Variants in VCAM1 observed in about 807,000 individuals in gnomAD.
The protein encoded by VCAM1 is vascular cell adhesion molecule 1.
In VCAM1, 41 loss-of-function variants were observed where a neutral mutation model predicts 63.8. The observed-to-expected ratio is 0.64, with a 90% CI of 0.50 to 0.83. The LOEUF (loss-of-function observed/expected upper bound fraction) is 0.83, where lower values mean the gene tolerates loss of function less well. Among genes scored for constraint, VCAM1 ranks in the 40% least tolerant of loss-of-function variants. The pLI is 0.00. For missense variants in VCAM1, 798 were observed against 875.5 expected (o/e 0.91, Z 1.12); for synonymous variants, 338 against 320.7 (o/e 1.05, Z -0.58).
intron 2 of VCAM1, among the ~76,000 whole-genome samples, chr1:100,721,716 A>T (rs1485311843): frequency 6.6e-6 from 1 of 152,042 alleles, no homozygotes; most frequent in Non-Finnish European, 1.5e-5. Flanking sequence ...GGCTGCTTTC[A>T]ATTATGCTGG....
rs369922598 is a variant in VCAM1, at chr1:100,723,354, C to A, written c.661+14C>A. On this transcript the variant is annotated intron_variant, in intron 3 of 8. Transcript: ENST00000294728. ...TGCAAGTCTACAGTAAGTACTTGTG[C>A]GATGTGTTCCAGTCTTTGTGGGAAT... The A allele has an allele frequency of 8.7e-6, 14 of 1,606,572 alleles. No homozygotes were observed. The highest frequency in any genetic ancestry group is 1.1e-5 in the Non-Finnish European group (13 of 1,175,438).
intron 5 of VCAM1, among the ~76,000 whole-genome samples, chr1:100,730,609 G>A (rs1660414767): frequency 6.6e-6 from 1 of 152,088 alleles, no homozygotes; most frequent in African/African-American, 2.4e-5. Context: ...ATTTGATACT[G>A]AGAGACTGCA....
chr1:100,738,234 A>G lies in VCAM1; in HGVS notation c.2171A>G (p.Asn724Ser), dbSNP rs1464863317. The G allele has an allele frequency of 6.2e-7, 1 of 1,613,840 alleles. No homozygotes were observed. The highest frequency in any genetic ancestry group is 1.7e-5 in the Admixed American group (1 of 60,028). ...ATAATTTACTTTGCAAGAAAAGCCA[A>G]CATGAAGGGGTCATATAGTCTTGTA... ...GMIIYFARKA[N>S]MKGSYSLVEA... Residue 724 changes from asparagine (N) to serine (S), a missense_variant, in exon 9 of 9, where the codon AAC becomes AGC. Transcript: ENST00000294728.
At chr1:100,735,952 A>G (rs1645424495) in intron 8 of VCAM1, 1 of 152,152 alleles carries the variant, frequency 6.6e-6, no homozygotes, top group African/African-American at 2.4e-5. Flanking sequence ...GAGGTTGGGG[A>G]TGATTCTGGA....
chr1:100,732,878 T>G (rs1300684714), intron 7 of VCAM1, among the ~76,000 whole-genome samples, 194 bp downstream of exon 7: 1 of 152,224 alleles, frequency 6.6e-6, no homozygotes, highest in African/African-American at 2.4e-5. Flanking sequence ...ACAAGTTTCT[T>G]ATCCTGAGAT....
chr1:100,720,338 G>T, intron 1 of VCAM1, 138 bp from the exon 2 acceptor site: 2 of 1,186,048 alleles, frequency 1.7e-6, no homozygotes, highest in Non-Finnish European at 2.3e-6. Flanking sequence ...GGTGCTTTTT[G>T]GCTACCTTGC....
At chr1:100,722,393 G>GT (rs1373128965) in intron 2 of VCAM1, among the ~76,000 whole-genome samples, 1 of 151,922 alleles carries the variant, frequency 6.6e-6, no homozygotes, top group African/African-American at 2.4e-5. Context: ...ACTTAAAGTT[G>GT]GTCTTCTCAT....
intron 8 of VCAM1, chr1:100,737,495 G>C (rs1660698750): frequency 1.3e-5 from 2 of 152,166 alleles, no homozygotes; most frequent in Admixed American, 1.3e-4. Flanking sequence ...ACATAACACT[G>C]TCCAAAGAAC....
chr1:100,734,325 A>T (rs1409133288), intron 7 of VCAM1, among the ~76,000 whole-genome samples, 177 bp from the exon 8 acceptor site: 1 of 152,198 alleles, frequency 6.6e-6, no homozygotes, highest in Non-Finnish European at 1.5e-5. Flanking sequence ...CTTAGTTAAA[A>T]CATGATCATT....
chr1:100,733,525 A>T (rs1216231715), intron 7 of VCAM1, among the ~76,000 whole-genome samples: 1 of 152,186 alleles, frequency 6.6e-6, no homozygotes, highest in African/African-American at 2.4e-5. Context: ...AAACAAAAAA[A>T]CCTTTTGGAT....
At chr1:100,725,537 C>A (rs1660132523) in intron 4 of VCAM1, among the ~76,000 whole-genome samples, 1 of 151,916 alleles carries the variant, frequency 6.6e-6, no homozygotes, top group Non-Finnish European at 1.5e-5. Context: ...ATAATGACAC[C>A]ACCTATTGAT....
In VCAM1 at chr1:100,723,348, C is replaced by CT. The variant is rs766335626; in HGVS notation, c.661+10dup. The CT allele has an allele frequency of 6.2e-7, 1 of 1,609,262 alleles. No homozygotes were observed. The highest frequency in any genetic ancestry group is 8.5e-7 in the Non-Finnish European group (1 of 1,176,956). ...AAGAATTGCAAGTCTACAGTAAGTACTTGTGCGATGTGTTCCAGTCTTTGT... is the reference window on the plus strand; with the variant it reads ...AAGAATTGCAAGTCTACAGTAAGTACTTTGTGCGATGTGTTCCAGTCTTTGT... On this transcript the variant is annotated intron_variant, in intron 3 of 8. Transcript: ENST00000294728.
Position 100,734,581 on chromosome 1 carries a change from A to C in VCAM1, c.1872A>C (p.Thr624=). ...KEGDTVIISC[T]CGNVPETWII... ...GAGACACTGTCATCATCTCTTGTAC[A>C]TGTGGAAATGTTCCAGAAACATGGA... The change falls in exon 8 of 9, where the codon ACA becomes ACC. Residue 624 remains threonine, a synonymous_variant. Transcript: ENST00000294728. 6.2e-7 allele frequency: 1 copy of C among 1,613,912 alleles called. No individual in the cohort carries two copies. Among genetic ancestry groups the C allele is most frequent in the Non-Finnish European group, 8.5e-7 (1 of 1,179,884 alleles).
intron 2 of VCAM1, among the ~76,000 whole-genome samples, 160 bp downstream of exon 2, chr1:100,720,911 A>G (rs1659932821): frequency 1.3e-5 from 2 of 152,118 alleles, no homozygotes; most frequent in Admixed American, 1.3e-4. Flanking sequence ...TAAGGCCAAC[A>G]TGAGAGAGAG....
chr1:100,737,898 C>A, intron 8 of VCAM1: 1 of 348,498 alleles, frequency 2.9e-6, no homozygotes, highest in Non-Finnish European at 5.2e-6. Flanking sequence ...TTGTGGAAGC[C>A]AACAACTATC....
At position 100,731,166 on chromosome 1, in the gene VCAM1, G is replaced by C; in HGVS notation, c.1205-32G>C. The stretch of plus-strand genomic sequence containing the variant: ...AGCTCAATTTTTCCTTGAATATCAA[G>C]AATAAAAATCGTTTTTGCTTGCGAT... On this transcript the variant is annotated intron_variant, in intron 5 of 8. Coordinates refer to ENST00000294728, the MANE Select transcript of VCAM1 (RefSeq NM_001078.4). The surrounding 1 kb of genome is among the most constrained non-coding windows in gnomAD (Gnocchi z 4.2). 1.9e-6 allele frequency: 3 copies of C among 1,556,560 alleles called. No homozygotes were observed. The highest frequency in any genetic ancestry group is 2.6e-6 in the Non-Finnish European group (3 of 1,154,898).
At chr1:100,735,986 T>C (rs940703085) in intron 8 of VCAM1, 4 of 152,202 alleles carry the variant, frequency 2.6e-5, no homozygotes, top group East Asian at 3.9e-4. Flanking sequence ...CAGTTATGAG[T>C]AGGTTGAATT....
rs145575133 is a variant in VCAM1 at position 100,724,862 on chromosome 1, C to T, written c.900C>T (p.Asn300=). The T allele has an allele frequency of 6.6e-4, 1,060 of 1,612,666 alleles. 3 individuals carry two copies. Among genetic ancestry groups the T allele is most frequent in the Non-Finnish European group, 8.6e-4 (1,010 of 1,179,184 alleles). Residue 300 remains asparagine (N), a synonymous_variant, in exon 4 of 9, where the codon AAC becomes AAT. Coordinates refer to ENST00000294728, the MANE Select transcript of VCAM1 (RefSeq NM_001078.4). ...AAGGAGTTAATTTGATTGGGAAAAA[C>T]AGAAAAGAGGTGGAATTAATTGTTC... The part of the protein sequence containing the change: ...VCEGVNLIGK[N]RKEVELIVQE...
chr1:100,729,310 G>T lies in VCAM1; in HGVS notation c.1132G>T (p.Glu378Ter). Residue 378 changes from glutamate to a stop codon, truncating the protein, a stop_gained, in exon 5 of 9, where the codon GAA (glutamate) becomes TAA (stop). Coordinates refer to ENST00000294728, the MANE Select transcript of VCAM1 (RefSeq NM_001078.4). LOFTEE classifies it high-confidence loss of function. ...CCTGAGCCCTGTGAGTTTTGAGAAC[G>T]AACACTCTTATCTGTGCACAGTGAC... ...LTLSPVSFEN[E>*]HSYLCTVTCG... is the part of the protein sequence containing the mutation. 6.2e-7 allele frequency: 1 copy of T among 1,613,376 alleles called. No homozygotes were observed. The highest frequency in any genetic ancestry group is 1.1e-5 in the South Asian group (1 of 91,044).
Sources: allele counts gnomAD v4.1 joint callset (sites outside exome capture counted in the v4.1 genomes callset), GRCh38; gene constraint gnomAD v4.1.1; non-coding constraint Gnocchi (gnomAD v3.1); transcripts MANE v1.5; gene names NCBI Gene and HGNC (gene_info 2026-07-23, HGNC 2026-07-21).